Variants in HERC2 observed in about 807,000 individuals in gnomAD.
The protein encoded by HERC2 is HECT and RLD domain containing E3 ubiquitin protein ligase 2.
In HERC2, 102 loss-of-function variants were observed where a neutral mutation model predicts 537.7. That is an observed-to-expected ratio of 0.19 (90% CI 0.16 to 0.22). The LOEUF (loss-of-function observed/expected upper bound fraction) is 0.22, where lower values mean the gene tolerates loss of function less well. Ranked by LOEUF, HERC2 falls within the 10% of genes least tolerant of loss-of-function variation. HERC2 has a pLI of 1.00. For synonymous variants in HERC2, 2,224 were observed against 2,466.2 expected (o/e 0.90, Z 2.91); for missense variants, 4,236 against 6,198.2 (o/e 0.68, Z 10.63).
intron 16 of HERC2, among the ~76,000 whole-genome samples, chr15:28,259,614 CA>C (rs2075362859): frequency 6.6e-6 from 1 of 151,914 alleles, no homozygotes; most frequent in African/African-American, 2.4e-5. Context: ...TGAGCATCAA[CA>C]GAAAAATCCT....
intron 2 of HERC2, among the ~76,000 whole-genome samples, chr15:28,308,235 C>G (rs373346726): frequency 1.4e-4 from 22 of 152,212 alleles, no homozygotes; most frequent in Non-Finnish European, 2.6e-4. Context: ...CTTTCATCAG[C>G]GTTTTAGAGT....
intron 27 of HERC2, 109 bp from the exon 28 acceptor site, chr15:28,233,905 C>T (rs1432406510): frequency 5.9e-6 from 5 of 848,384 alleles, no homozygotes; most frequent in South Asian, 1.6e-5. Flanking sequence ...GCTTCTGAAG[C>T]CTCGCTAGCA....
At chr15:28,223,275 GA>G (rs1567036213) in intron 35 of HERC2, among the ~76,000 whole-genome samples, 1 of 152,284 alleles carries the variant, frequency 6.6e-6, no homozygotes, top group Admixed American at 6.5e-5. Flanking sequence ...GCTAAACTGA[GA>G]GGGGGTAGGA....
chr15:28,223,936 C>T (rs1041973855), intron 35 of HERC2, among the ~76,000 whole-genome samples: 10 of 151,470 alleles, frequency 6.6e-5, no homozygotes, highest in Middle Eastern at 3.4e-3. Flanking sequence ...ATTGGAACCT[C>T]TGGGAAAAAA....
At position 28,192,953 on chromosome 15, in the gene HERC2, C is replaced by T. The variant is rs77926013; in HGVS notation, c.8261-802G>A. On this transcript the variant is annotated intron_variant, in intron 52 of 92. Coordinates refer to ENST00000261609, the MANE Select transcript of HERC2 (RefSeq NM_004667.6). Reference sequence around the variant, plus strand: ...CCCTTTTTTTTTTTCCAACAGATTGCAACTCAGCATAAAATCATCTCAATC... The same window carrying T: ...CCCTTTTTTTTTTTCCAACAGATTGTAACTCAGCATAAAATCATCTCAATC... Among the ~76,000 whole-genome samples the T allele has an allele frequency of 1.2e-3, 179 of 151,730 alleles. 3 individuals are homozygous for T. Among genetic ancestry groups the T allele is most frequent in the African/African-American group, 4.0e-3 (166 of 41,374 alleles).
chr15:28,276,339 A>T (rs992093239), intron 5 of HERC2, among the ~76,000 whole-genome samples: 8 of 152,082 alleles, frequency 5.3e-5, no homozygotes, highest in Non-Finnish European at 1.2e-4. Context: ...ATGCACCGGG[A>T]GCTCAGAGAG....
chr15:28,245,991 C>T lies in HERC2; in HGVS notation c.3467G>A (p.Gly1156Glu). ...SKNAGLMQEA[G>E]AVPLLGGLLE... ...CAGGCCACCCAGCAGAGGTACAGCT[C>T]CAGCCTCTTGCATGAGACCAGCATT... is the stretch of plus-strand genomic sequence containing the variant. Residue 1156 changes from glycine (G) to glutamate (E), a missense_variant, in exon 23 of 93, where the codon GGA becomes GAA. Transcript: ENST00000261609. 6.2e-7 allele frequency: 1 copy of T among 1,613,990 alleles called. No individual in the cohort carries two copies.
chr15:28,306,351 T>C (rs751750502), intron 2 of HERC2, among the ~76,000 whole-genome samples: 23 of 152,228 alleles, frequency 1.5e-4, no homozygotes, highest in Non-Finnish European at 2.8e-4. Flanking sequence ...TCCTTCATTC[T>C]ATTGATATGA....
At chr15:28,259,483 T>G (rs767829697) in intron 16 of HERC2, among the ~76,000 whole-genome samples, 1 of 152,114 alleles carries the variant, frequency 6.6e-6, no homozygotes, top group Non-Finnish European at 1.5e-5. Context: ...CAATCCCTTA[T>G]AGAAAATGAA....
intron 48 of HERC2, 60 bp downstream of exon 48, chr15:28,201,396 T>C: frequency 9.2e-7 from 1 of 1,091,154 alleles, no homozygotes; most frequent in Non-Finnish European, 1.4e-6. Flanking sequence ...ATATAGGACA[T>C]ACTCAAATAT....
chr15:28,261,017 C>A (rs376242930), intron 15 of HERC2, 47 bp from the exon 16 acceptor site: 2 of 1,428,968 alleles, frequency 1.4e-6, no homozygotes, highest in Admixed American at 1.9e-5. Flanking sequence ...CTATGACTTC[C>A]GCTGCAAGAA....
intron 45 of HERC2, chr15:28,203,825 C>A (rs983827631): frequency 3.3e-5 from 5 of 151,880 alleles, no homozygotes; most frequent in Non-Finnish European, 7.3e-5. Context: ...CACTGAAGAG[C>A]CTGCGCTCGG....
intron 83 of HERC2, 125 bp downstream of exon 83, chr15:28,130,038 G>A (rs1889944411): frequency 1.7e-6 from 2 of 1,187,948 alleles, no homozygotes; most frequent in East Asian, 2.4e-5. Context: ...CTCCCAAAGT[G>A]CTGGGGCAAC....
At chr15:28,171,306 T>C (rs546463048) in intron 65 of HERC2, among the ~76,000 whole-genome samples, 70 of 152,346 alleles carry the variant, frequency 4.6e-4, no homozygotes, top group Middle Eastern at 3.4e-3. Flanking sequence ...CTTGGATGAA[T>C]AGCCAGAGGA....
chr15:28,157,635 T>C (rs1893147036), intron 69 of HERC2, among the ~76,000 whole-genome samples: 1 of 152,198 alleles, frequency 6.6e-6, no homozygotes, highest in Admixed American at 6.5e-5. Context: ...TCTTCTCTCT[T>C]TTCTTATTAG....
At chr15:28,271,988 A>C in intron 9 of HERC2, 1 of 541,286 alleles carries the variant, frequency 1.8e-6, no homozygotes, top group South Asian at 3.0e-5. Context: ...TTAAAAGTGA[A>C]TGTTTCAAGC....
At chr15:28,298,902 G>T (rs1400742899) in intron 3 of HERC2, among the ~76,000 whole-genome samples, 1 of 152,014 alleles carries the variant, frequency 6.6e-6, no homozygotes. Flanking sequence ...CTTTATCCAC[G>T]TTGATGACTC....
At chr15:28,289,072 A>G (rs1667391) in intron 4 of HERC2, among the ~76,000 whole-genome samples, 108,473 of 149,416 alleles carry the variant, frequency 0.73, 42,616 homozygotes, top group Non-Finnish European at 0.9. Flanking sequence ...TTGAGAGTGG[A>G]CAGTGACAAG....
chr15:28,200,155 G>T (rs1897760426), intron 48 of HERC2, among the ~76,000 whole-genome samples: 1 of 152,184 alleles, frequency 6.6e-6, no homozygotes, highest in Non-Finnish European at 1.5e-5. Flanking sequence ...CCAGCACTTT[G>T]GGAGGCCAAG....
Sources: gnomAD v4.1 joint callset for allele counts (sites outside exome capture counted in the v4.1 genomes callset) on GRCh38, gnomAD v4.1.1 for gene constraint, MANE v1.5 for transcripts, NCBI Gene and HGNC (gene_info 2026-07-23, HGNC 2026-07-21) for gene names.